PEX5: variants seen among roughly 807,000 people sequenced by gnomAD.
PEX5 encodes peroxisomal biogenesis factor 5.
PEX5 carries 52 observed loss-of-function variants against 82.9 expected under a neutral mutation model. The observed-to-expected ratio is 0.63, with a 90% confidence interval of 0.50 to 0.79. The LOEUF (loss-of-function observed/expected upper bound fraction) is 0.79, where lower values mean the gene tolerates loss of function less well. PEX5 is among the 30% of genes least tolerant of loss of function. The pLI, the probability that PEX5 is intolerant of heterozygous loss-of-function variation, is 0.00. For synonymous variants in PEX5, 300 were observed against 318.8 expected, an observed-to-expected ratio of 0.94 and a Z score of 0.63; for missense variants, 719 against 815.2, an observed-to-expected ratio of 0.88 and a Z score of 1.44.
Position 7,199,209 on chromosome 12 carries a change from C to CTT in PEX5, c.551+113_551+114dup, listed in dbSNP as rs5796268. 0.32 allele frequency: 117,393 copies of CTT among 367,626 alleles called. 12,925 individuals carry two copies. Among genetic ancestry groups the CTT allele is most frequent in the Admixed American group, 0.48 (12,748 of 26,466 alleles). The allele number at this position is 367,626 out of a possible 1,614,324, so 22.8% of individuals were successfully genotyped here. ...CGTTCTCGAACCAACTTACTTTATT[C>CTT]TTTTTTTTTTTTTTTTTTATCATTC... On this transcript the variant is annotated intron_variant, in intron 6 of 15. Transcript: ENST00000675855.
intron 10 of PEX5, among the ~76,000 whole-genome samples, chr12:7,206,744 A>G (rs1379596637): frequency 3.9e-5 from 6 of 152,042 alleles, no homozygotes; most frequent in African/African-American, 1.4e-4. Context: ...TCATGTCTTT[A>G]TTTTGTACAG....
intron 5 of PEX5, among the ~76,000 whole-genome samples, chr12:7,195,962 G>A (rs1941984993): frequency 6.7e-6 from 1 of 148,738 alleles, no homozygotes; most frequent in African/African-American, 2.5e-5. Context: ...GAGAGTCCTT[G>A]AAATTAACAG....
rs1945098580 is a variant in PEX5 at position 7,208,476 on chromosome 12, G to A, written c.1201G>A (p.Asp401Asn). The A allele has an allele frequency of 8.1e-6, 13 of 1,614,006 alleles. No homozygotes were observed. The highest frequency in any genetic ancestry group is 1.1e-5 in the Non-Finnish European group (13 of 1,179,888). The change falls in exon 13 of 16, where the codon GAT becomes AAT. Residue 401 changes from aspartate (D) to asparagine (N), a missense_variant. Transcript: ENST00000675855. ...AAACAGGTGTCTGGAGCTAAAGCCA[G>A]ATAACCAGACAGCACTGATGGCGCT... ...ALRRCLELKP[D>N]NQTALMALAV... is the part of the protein sequence containing the mutation.
At chr12:7,216,050 C>T (rs1945770604), downstream of PEX5, among the ~76,000 whole-genome samples, 1 of 152,162 alleles carries the variant, frequency 6.6e-6, no homozygotes, top group South Asian at 2.1e-4. Context: ...TCACTGCAAC[C>T]TCTGCCTCCC....
At chr12:7,213,985 CTG>C (rs200081407), downstream of PEX5, among the ~76,000 whole-genome samples, 62,071 of 151,222 alleles carry the variant, frequency 0.41, 14,401 homozygotes, top group Admixed American at 0.59. Context: ...CTCACCATCA[CTG>C]GCCATCAGAG....
intron 15 of PEX5, 51 bp from the exon 16 acceptor site, chr12:7,209,971 C>G: frequency 1.2e-6 from 2 of 1,605,076 alleles, no homozygotes; most frequent in Non-Finnish European, 1.7e-6. Flanking sequence ...TGACCTGCTT[C>G]CTTCCATTGT....
At chr12:7,212,285 AATTT>A (rs1277873719), downstream of PEX5, among the ~76,000 whole-genome samples, 5 of 151,926 alleles carry the variant, frequency 3.3e-5, no homozygotes, top group African/African-American at 1.2e-4. Flanking sequence ...CTAACTTTTA[AATTT>A]ATTTAAAAAG....
chr12:7,218,247 T>C (rs1945835564), intron 17 of PEX5, among the ~76,000 whole-genome samples: 1 of 152,194 alleles, frequency 6.6e-6, no homozygotes, highest in Admixed American at 6.5e-5. Context: ...CTTTCTTATA[T>C]CAACTAAAGT....
downstream of PEX5, among the ~76,000 whole-genome samples, chr12:7,215,098 A>T (rs1003361609): frequency 6.6e-6 from 1 of 152,212 alleles, no homozygotes; most frequent in Non-Finnish European, 1.5e-5. Flanking sequence ...TGGACAAAGG[A>T]CATGAACAGA....
intron 5 of PEX5, among the ~76,000 whole-genome samples, chr12:7,194,011 T>C (rs1433960179): frequency 6.6e-6 from 1 of 152,206 alleles, no homozygotes; most frequent in Non-Finnish European, 1.5e-5. Flanking sequence ...AGTAGGCCTC[T>C]GGTATTGAAT....
At chr12:7,206,275 T>C (rs1446506345) in intron 10 of PEX5, among the ~76,000 whole-genome samples, 1 of 152,256 alleles carries the variant, frequency 6.6e-6, no homozygotes, top group East Asian at 1.9e-4. Context: ...TAATACTTTG[T>C]GACAAGTGAA....
chr12:7,208,792 C>A, intron 13 of PEX5, 123 bp downstream of exon 13: 1 of 959,628 alleles, frequency 1.0e-6, no homozygotes, highest in Non-Finnish European at 1.7e-6. Flanking sequence ...GGATGGGAAA[C>A]CTAGGATCAA....
Position 7,201,766 on chromosome 12 carries a change from T to C in PEX5, c.567T>C (p.His189=), listed in dbSNP as rs1443546589. The change falls in exon 7 of 16, where the codon CAT becomes CAC. Residue 189 remains histidine (H), a synonymous_variant. Transcript: ENST00000675855. The stretch of plus-strand genomic sequence containing the variant: ...CCCGTTCCAGGTATGATGAATATCA[T>C]CCTGAGGAGGATCTGCAGCACACGG... ...TATDRWYDEY[H]PEEDLQHTAS... The C allele has an allele frequency of 6.2e-6, 10 of 1,613,564 alleles. No homozygotes were observed. The East Asian group carries it at 2.2e-4, about 36-fold the overall frequency.
Position 7,193,313 on chromosome 12 carries a change from A to G in PEX5, c.448+1613A>G, listed in dbSNP as rs141750399. Among the ~76,000 whole-genome samples the G allele has an allele frequency of 5.1e-3, 758 of 149,520 alleles. 6 individuals are homozygous for G. The highest frequency in any genetic ancestry group is 0.018 in the African/African-American group (730 of 40,022). On this transcript the variant is annotated intron_variant, in intron 5 of 15. Transcript: ENST00000675855. ...CAGCGGTGCAATCTGTACGCACTGCAACCTCTGCCTCCTGGCTTCAAGGGA... is the reference window on the plus strand; with the variant it reads ...CAGCGGTGCAATCTGTACGCACTGCGACCTCTGCCTCCTGGCTTCAAGGGA...
intron 1 of PEX5, 121 bp from the exon 2 acceptor site, chr12:7,190,241 G>A (rs1591639565): frequency 1.3e-6 from 2 of 1,591,380 alleles, no homozygotes; most frequent in East Asian, 4.5e-5. Context: ...AAAAGCACTG[G>A]GGTGGAGGGC....
chr12:7,209,753 C>T lies in PEX5; in HGVS notation c.1631C>T (p.Ala544Val), dbSNP rs367586808. 1.3e-5 allele frequency: 20 copies of T among 1,568,738 alleles called. No homozygotes were observed. The highest frequency in any genetic ancestry group is 2.2e-5 in the South Asian group (2 of 89,760). Residue 544 changes from alanine to valine, a missense_variant, in exon 15 of 16, where the codon GCG (alanine) becomes GTG (valine). Transcript: ENST00000675855. ...NGNQSEEAVA[A>V]YRRALELQPG... ...AACCAGAGTGAAGAAGCAGTAGCTG[C>T]GTACCGCCGGGCCCTCGAGCTCCAG...
chr12:7,213,815 G>A (rs113845387), downstream of PEX5, among the ~76,000 whole-genome samples: 41,766 of 147,954 alleles, frequency 0.28, 6,110 homozygotes, highest in South Asian at 0.35. Flanking sequence ...GAAAATTTTC[G>A]CAACCTACTC....
chr12:7,216,524 C>G (rs1945785257), intron 17 of PEX5, among the ~76,000 whole-genome samples: 1 of 152,148 alleles, frequency 6.6e-6, no homozygotes, highest in Admixed American at 6.5e-5. Flanking sequence ...AATTGATTTA[C>G]TTTGGAGTAA....
In PEX5 at chr12:7,207,901, A is replaced by G. The variant is rs536905744; in HGVS notation, c.1110+99A>G. The stretch of plus-strand genomic sequence containing the variant: ...GTGCAGATGGGTTAGGGCCTGGGTG[A>G]TGGCCTAGGATAGGGGCTTGAGAGC... On this transcript the variant is annotated intron_variant, in intron 11 of 15. Coordinates refer to ENST00000675855, the MANE Select transcript of PEX5 (RefSeq NM_001351132.2). The G allele has an allele frequency of 2.4e-3, 3,691 of 1,529,860 alleles. 11 individuals carry two copies. The highest frequency in any genetic ancestry group is 2.8e-3 in the Non-Finnish European group (3,136 of 1,103,328). The allele number at this position is 1,529,860 out of a possible 1,614,324, so 94.8% of individuals were successfully genotyped here.
Sources: allele counts gnomAD v4.1 joint callset (sites outside exome capture counted in the v4.1 genomes callset), GRCh38; gene constraint gnomAD v4.1.1; transcripts MANE v1.5; gene names NCBI Gene and HGNC (gene_info 2026-07-23, HGNC 2026-07-21).